DNASE1: variants seen among roughly 807,000 people sequenced by gnomAD.
The protein encoded by DNASE1 is deoxyribonuclease-1.
A neutral mutation model predicts 33.9 loss-of-function variants in DNASE1; 40 were observed. The ratio of observed to expected loss-of-function variants is 1.18; its 90% CI spans 0.92 to 1.54. The LOEUF (loss-of-function observed/expected upper bound fraction) is 1.54, where lower values mean the gene tolerates loss of function less well. Ranked by LOEUF, DNASE1 falls within the 40% of genes most tolerant of loss-of-function variation. DNASE1 has a pLI of 0.00. For synonymous variants in DNASE1, 216 were observed against 160.0 expected, an observed-to-expected ratio of 1.35 and a Z score of -2.64; for missense variants, 518 against 372.6, an observed-to-expected ratio of 1.39 and a Z score of -3.21.
intron 1 of DNASE1, among the ~76,000 whole-genome samples, chr16:3,620,925 G>T (rs112984039): frequency 6.6e-6 from 1 of 151,600 alleles, no homozygotes; most frequent in Admixed American, 6.6e-5. Flanking sequence ...CTCAGCCTCC[G>T]GAGTAGCTGG....
chr16:3,657,119 C>T lies in DNASE1; in HGVS notation c.549+8C>T. 4 of 1,614,080 alleles carry T rather than the reference C, an allele frequency of 2.5e-6. No individual in the cohort carries two copies. Among genetic ancestry groups the T allele is most frequent in the South Asian group, 1.1e-5 (1 of 91,092 alleles). ...GAGAAATGGGGCTTGGAGGTGAGGC[C>T]CTCCCAGGGGCAGTGGGCACCAGCG... On this transcript the variant is annotated splice_region_variant and intron_variant, in intron 6 of 8. Transcript: ENST00000246949.
At chr16:3,664,769 G>A in exon 10 of DNASE1, 1 of 328,652 alleles carries the variant, frequency 3.0e-6, no homozygotes, top group Non-Finnish European at 5.6e-6. Context: ...CCTGGACCCA[G>A]CGTCTTCCCT....
At chr16:3,664,082 A>C in exon 10 of DNASE1, 1 of 589,970 alleles carries the variant, frequency 1.7e-6, no homozygotes, top group Non-Finnish European at 2.8e-6. Flanking sequence ...AAAAACAAAC[A>C]AAAAAAACCA....
chr16:3,636,121 GTTCA>G (rs2041861062), intron 1 of DNASE1, among the ~76,000 whole-genome samples: 1 of 150,416 alleles, frequency 6.6e-6, no homozygotes, highest in Admixed American at 6.6e-5. Flanking sequence ...GTTCCATCTT[GTTCA>G]TTCTTTTCTC....
chr16:3,620,428 C>G (rs1194431427), intron 1 of DNASE1, among the ~76,000 whole-genome samples: 1 of 149,578 alleles, frequency 6.7e-6, no homozygotes, highest in Non-Finnish European at 1.5e-5. Flanking sequence ...GCAGCGTGGC[C>G]TGATCATAGC....
intron 7 of DNASE1, 67 bp downstream of exon 7, chr16:3,657,408 G>GCCAAGGGCAGCCGTGACTCATAGGTCC (rs1567213097): frequency 1.3e-6 from 2 of 1,585,260 alleles, no homozygotes; most frequent in African/African-American, 2.7e-5. Context: ...CTCATAGGTC[G>GCCAAGGGCAGCCGTGACTCATAGGTCC]GGCTTCAGAA....
chr16:3,658,933 G>C, downstream of DNASE1: 1 of 1,514,588 alleles, frequency 6.6e-7, no homozygotes, highest in Non-Finnish European at 9.1e-7. Flanking sequence ...TTCATGTTTT[G>C]GGATTATCAG....
At chr16:3,662,705 A>G, downstream of DNASE1, 1 of 705,130 alleles carries the variant, frequency 1.4e-6, no homozygotes, top group South Asian at 1.5e-5. Context: ...TTCCTGCCTC[A>G]GCGGCACTCC....
At chr16:3,662,117 C>G (rs755119711), downstream of DNASE1, 23 of 1,612,488 alleles carry the variant, frequency 1.4e-5, no homozygotes, top group Non-Finnish European at 1.9e-5. Context: ...GGGTGGGTGT[C>G]CAGTCGGAGG....
At chr16:3,662,076 A>G (rs756506626), downstream of DNASE1, 2 of 1,613,258 alleles carry the variant, frequency 1.2e-6, no homozygotes, top group Non-Finnish European at 1.7e-6. Context: ...AGTGGCGGGC[A>G]GCCCCCATCT....
At chr16:3,630,133 TTGTG>T (rs200194109) in intron 1 of DNASE1, among the ~76,000 whole-genome samples, 65 of 150,730 alleles carry the variant, frequency 4.3e-4, no homozygotes, top group East Asian at 9.7e-4. Flanking sequence ...TTGTTTTTTG[TTGTG>T]TGTGTGTGTG....
downstream of DNASE1, chr16:3,659,411 A>G (rs1322794213): frequency 6.6e-6 from 1 of 152,242 alleles, no homozygotes; most frequent in Non-Finnish European, 1.5e-5. Flanking sequence ...GGGATCAAAG[A>G]TGACAAGCAC....
At chr16:3,620,006 C>G (rs1454976947) in intron 1 of DNASE1, among the ~76,000 whole-genome samples, 2 of 151,230 alleles carry the variant, frequency 1.3e-5, no homozygotes, top group Non-Finnish European at 2.9e-5. Flanking sequence ...ACCCCCGCCT[C>G]CGGGGTTCAA....
At chr16:3,632,652 C>G (rs987224489) in intron 1 of DNASE1, among the ~76,000 whole-genome samples, 1 of 150,958 alleles carries the variant, frequency 6.6e-6, no homozygotes, top group Non-Finnish European at 1.5e-5. Context: ...GTAGCTTGAT[C>G]TCAGCTCCCT....
chr16:3,660,764 C>G (rs568053613), downstream of DNASE1: 1 of 152,026 alleles, frequency 6.6e-6, no homozygotes, highest in Non-Finnish European at 1.5e-5. Flanking sequence ...TACTAAAGAA[C>G]AAAACAAAAA....
chr16:3,661,996 A>T (rs747532746), downstream of DNASE1: 5 of 1,607,294 alleles, frequency 3.1e-6, no homozygotes, highest in Non-Finnish European at 4.3e-6. Flanking sequence ...CCTGGGGTTG[A>T]TCTCCAGCGT....
At chr16:3,647,231 G>C (rs1405481215) in intron 1 of DNASE1, among the ~76,000 whole-genome samples, 1 of 148,138 alleles carries the variant, frequency 6.8e-6, no homozygotes, top group Non-Finnish European at 1.5e-5. Flanking sequence ...AAAAGCTTTT[G>C]ATTTGTAGAA....
intron 1 of DNASE1, among the ~76,000 whole-genome samples, chr16:3,628,167 A>G (rs2151172587): frequency 6.6e-6 from 1 of 152,234 alleles, no homozygotes; most frequent in Admixed American, 6.5e-5. Flanking sequence ...TCCTTGGTTA[A>G]AAGTCCTAGG....
downstream of DNASE1, chr16:3,661,796 G>T: frequency 1.6e-6 from 1 of 610,606 alleles, no homozygotes; most frequent in Non-Finnish European, 2.5e-6. Flanking sequence ...TGACACCTGG[G>T]GATGGTAAGG....
Sources: allele counts gnomAD v4.1 joint callset (sites outside exome capture counted in the v4.1 genomes callset), GRCh38; gene constraint gnomAD v4.1.1; transcripts MANE v1.5; gene names NCBI Gene and HGNC (gene_info 2026-07-23, HGNC 2026-07-21).